Variants in PACSIN2 observed in about 807,000 individuals in gnomAD.
The protein encoded by PACSIN2 is protein kinase C and casein kinase substrate in neurons protein 2.
PACSIN2 carries 25 observed loss-of-function variants against 63.8 expected under a neutral mutation model. That is an observed-to-expected ratio of 0.39 (90% CI 0.29 to 0.55). The LOEUF (loss-of-function observed/expected upper bound fraction) is 0.55. Ranked by LOEUF, PACSIN2 falls within the 20% of genes least tolerant of loss-of-function variation. PACSIN2 has a pLI of 0.62. For missense variants in PACSIN2, 518 were observed against 646.9 expected (o/e 0.80, Z 2.16); for synonymous variants, 255 against 256.2 (o/e 1.00, Z 0.05).
chr22:42,942,318 T>C (rs1251216512), intron 1 of PACSIN2, among the ~76,000 whole-genome samples: 1 of 152,072 alleles, frequency 6.6e-6, no homozygotes, highest in Non-Finnish European at 1.5e-5. Context: ...AGTTGTCTTT[T>C]TACTTTCTTG....
intron 2 of PACSIN2, among the ~76,000 whole-genome samples, chr22:42,895,837 C>T (rs1930239256): frequency 6.6e-6 from 1 of 152,232 alleles, no homozygotes; most frequent in South Asian, 2.1e-4. Context: ...GACCGAGGCA[C>T]CCCAGCAACA....
rs34700745 is a variant in PACSIN2 at position 42,926,789 on chromosome 22, G to T, written c.-77-14632C>A. 5.2e-3 allele frequency among the ~76,000 whole-genome samples: 793 copies of T among 151,696 alleles called. 4 individuals are homozygous for T. The highest frequency in any genetic ancestry group is 0.018 in the African/African-American group (756 of 41,342). On this transcript the variant is annotated intron_variant, in intron 1 of 10. Coordinates refer to ENST00000263246, the MANE Select transcript of PACSIN2 (RefSeq NM_001184970.3). ...CAAGGCTGCAGTGAGCTATGATCAC[G>T]CCTGTGAATAGCCACTGCACTCCTG...
intron 2 of PACSIN2, chr22:42,909,462 T>C (rs960945303): frequency 4.3e-6 from 2 of 467,752 alleles, no homozygotes; most frequent in Non-Finnish European, 4.4e-6. Context: ...TGCACCTGAG[T>C]CTCTCAGATC....
intron 2 of PACSIN2, among the ~76,000 whole-genome samples, chr22:42,911,497 C>CA (rs1345876639): frequency 2.6e-5 from 4 of 151,278 alleles, no homozygotes; most frequent in Admixed American, 6.6e-5. Flanking sequence ...TCCGCCTCCA[C>CA]AAAAAAACAA....
intron 1 of PACSIN2, among the ~76,000 whole-genome samples, chr22:42,997,682 T>C (rs1368080219): frequency 6.6e-6 from 1 of 151,868 alleles, no homozygotes; most frequent in African/African-American, 2.4e-5. Context: ...CATGAAATTC[T>C]CATGTAAATA....
At chr22:42,882,735 C>A (rs954171171) in intron 6 of PACSIN2, among the ~76,000 whole-genome samples, 10 of 152,220 alleles carry the variant, frequency 6.6e-5, no homozygotes, top group Non-Finnish European at 2.9e-5. Context: ...GTGAAGATGA[C>A]CCGGTGCTGA....
chr22:42,985,289 C>T (rs181171372), intron 1 of PACSIN2, among the ~76,000 whole-genome samples: 128 of 152,326 alleles, frequency 8.4e-4, no homozygotes, highest in Non-Finnish European at 1.4e-3. Context: ...ATCTCATCAC[C>T]GCACTCCAGC....
intron 1 of PACSIN2, among the ~76,000 whole-genome samples, chr22:42,942,729 G>T (rs1410061163): frequency 2.6e-5 from 4 of 152,158 alleles, no homozygotes; most frequent in African/African-American, 4.8e-5. Flanking sequence ...AAATGTAGGG[G>T]TTTAGTTTTG....
intron 1 of PACSIN2, among the ~76,000 whole-genome samples, chr22:42,969,615 T>C (rs889669990): frequency 1.3e-5 from 2 of 152,162 alleles, no homozygotes; most frequent in Admixed American, 6.5e-5. Flanking sequence ...GGAAATAGTT[T>C]TCCCTTCTCC....
intron 1 of PACSIN2, among the ~76,000 whole-genome samples, chr22:42,934,773 G>C (rs1932858849): frequency 1.3e-5 from 2 of 152,162 alleles, no homozygotes; most frequent in African/African-American, 4.8e-5. Context: ...TGGTAGATCA[G>C]ACCATACTCG....
At chr22:42,901,867 C>A (rs1930711966) in intron 2 of PACSIN2, among the ~76,000 whole-genome samples, 1 of 152,204 alleles carries the variant, frequency 6.6e-6, no homozygotes, top group Non-Finnish European at 1.5e-5. Flanking sequence ...TGCAGGGGCA[C>A]CACCAGGGCG....
rs1299266375 is a variant in PACSIN2 at position 42,879,083 on chromosome 22, C to T, written c.993G>A (p.Gln331=). 1.2e-6 allele frequency: 2 copies of T among 1,614,148 alleles called. No homozygotes were observed. Among genetic ancestry groups the T allele is most frequent in the Admixed American group, 1.7e-5 (1 of 60,020 alleles). ...TDGVTLTGIN[Q]TGDQSLPSKP... is the part of the protein sequence containing the mutation. ...TACTCGGCAGAGACTGGTCGCCTGT[C>T]TGGTTGATGCCCGTCAGGGTGACGC... Residue 331 remains glutamine (Q), a synonymous_variant, in exon 8 of 11, where the codon CAG becomes CAA. Transcript: ENST00000263246.
intron 1 of PACSIN2, among the ~76,000 whole-genome samples, chr22:43,014,363 CA>C (rs1569383566): frequency 1.3e-3 from 15 of 11,120 alleles, no homozygotes; most frequent in African/African-American, 6.6e-3. Flanking sequence ...GACACACACA[CA>C]CCACCCCCCC....
chr22:42,941,615 T>G (rs547563558), intron 1 of PACSIN2, among the ~76,000 whole-genome samples: 2 of 152,346 alleles, frequency 1.3e-5, no homozygotes, highest in East Asian at 3.9e-4. Flanking sequence ...TCATTGTGAT[T>G]TTGATTCGTG....
chr22:42,937,961 G>A (rs1932983705), intron 1 of PACSIN2, among the ~76,000 whole-genome samples: 2 of 152,220 alleles, frequency 1.3e-5, no homozygotes. Flanking sequence ...AGTCTCACCT[G>A]CGCCTGCCTG....
chr22:43,008,512 G>C (rs1924243941), intron 1 of PACSIN2, among the ~76,000 whole-genome samples: 1 of 152,250 alleles, frequency 6.6e-6, no homozygotes, highest in Admixed American at 6.5e-5. Context: ...GCTTCCCAAA[G>C]TGCTGGAATT....
chr22:42,909,211 G>A (rs1318316297), intron 2 of PACSIN2, among the ~76,000 whole-genome samples: 1 of 152,116 alleles, frequency 6.6e-6, no homozygotes, highest in Admixed American at 6.5e-5. Flanking sequence ...CTGGCATGAT[G>A]ACCTGCCTAG....
chr22:42,886,376 C>T (rs758009888), intron 5 of PACSIN2, among the ~76,000 whole-genome samples: 1 of 152,098 alleles, frequency 6.6e-6, no homozygotes, highest in Non-Finnish European at 1.5e-5. Flanking sequence ...TGATAAGAAA[C>T]ATGAAAGTAC....
chr22:42,871,319 C>G lies in PACSIN2; in HGVS notation c.*38G>C. 3 of 1,359,956 alleles carry G rather than the reference C, an allele frequency of 2.2e-6. No homozygotes were observed. The highest frequency in any genetic ancestry group is 3.1e-6 in the Non-Finnish European group (3 of 958,528). 84.2% of individuals were successfully genotyped at this position (1,359,956 alleles called of 1,614,324 possible). A position where few individuals can be genotyped will look rare whatever the true frequency, so the allele number is the denominator to read the frequency against. ...CGTGGCTGGCTGAGGCTCCTGGGCC[C>G]GCCGCCTCCGTCCCCCCGCTGGCCT... is the stretch of plus-strand genomic sequence containing the variant. On this transcript the variant is annotated 3_prime_UTR_variant, in exon 11 of 11. Coordinates refer to ENST00000263246, the MANE Select transcript of PACSIN2 (RefSeq NM_001184970.3). The surrounding 1 kb of genome is among the most constrained non-coding windows in gnomAD (Gnocchi z 5.4).
Sources: gnomAD v4.1 joint callset for allele counts (sites outside exome capture counted in the v4.1 genomes callset) on GRCh38, gnomAD v4.1.1 for gene constraint, Gnocchi (gnomAD v3.1) non-coding constraint, MANE v1.5 for transcripts, NCBI Gene and HGNC (gene_info 2026-07-23, HGNC 2026-07-21) for gene names.